LARGE1: variants seen among roughly 807,000 people sequenced by gnomAD.
LARGE1 encodes LARGE xylosyl- and glucuronyltransferase 1, also known as xylosyl- and glucuronyltransferase LARGE1.
LARGE1 carries 43 observed loss-of-function variants against 87.6 expected under a neutral mutation model. The observed-to-expected ratio is 0.49, with a 90% CI of 0.38 to 0.63. LARGE1 has a LOEUF of 0.63. Among genes scored for constraint, LARGE1 ranks in the 30% least tolerant of loss-of-function variants. LARGE1 has a pLI of 0.00. For synonymous variants in LARGE1, 434 were observed against 394.6 expected (o/e 1.10, Z -1.18); for missense variants, 802 against 1,000.2 (o/e 0.80, Z 2.67).
At chr22:33,903,221 T>G (rs148032131) in intron 1 of LARGE1, among the ~76,000 whole-genome samples, 1 of 152,258 alleles carries the variant, frequency 6.6e-6, no homozygotes, top group African/African-American at 2.4e-5. Flanking sequence ...AGGAAGAGAT[T>G]AGAGCACAGA....
At chr22:33,919,860 G>C (rs1018304789) in intron 1 of LARGE1, 135 bp downstream of exon 1, 1 of 152,476 alleles carries the variant, frequency 6.6e-6, no homozygotes, top group Non-Finnish European at 1.5e-5. Context: ...CTCCCGGCCG[G>C]GGCAGCAGAG....
At chr22:33,522,331 G>T (rs2071646552) in intron 6 of LARGE1, among the ~76,000 whole-genome samples, 1 of 152,200 alleles carries the variant, frequency 6.6e-6, no homozygotes, top group Admixed American at 6.5e-5. Context: ...CACAGGGGAT[G>T]TGCTCATTTG....
chr22:33,776,139 A>G (rs1191725460), intron 1 of LARGE1, among the ~76,000 whole-genome samples: 2 of 152,280 alleles, frequency 1.3e-5, no homozygotes, highest in Admixed American at 6.5e-5. Flanking sequence ...TTTCCTCCAG[A>G]GTCATCTCCC....
intron 11 of LARGE1, among the ~76,000 whole-genome samples, chr22:33,208,445 G>A (rs5998806): frequency 0.022 from 3,425 of 152,232 alleles, 137 homozygotes; most frequent in African/African-American, 0.079. Context: ...AAGATCAAAC[G>A]TTGTTACTCA....
At chr22:33,259,984 C>T (rs966197927) in intron 11 of LARGE1, among the ~76,000 whole-genome samples, 5 of 152,210 alleles carry the variant, frequency 3.3e-5, no homozygotes, top group African/African-American at 1.2e-4. Flanking sequence ...TATAACCACC[C>T]TCAACTCCCA....
At chr22:33,286,186 G>T (rs1931500728) in intron 12 of LARGE1, among the ~76,000 whole-genome samples, 1 of 152,216 alleles carries the variant, frequency 6.6e-6, no homozygotes, top group African/African-American at 2.4e-5. Flanking sequence ...CTCCCGCTTT[G>T]TCTGTCTGAA....
chr22:33,758,400 AC>A (rs1422383174), intron 2 of LARGE1, among the ~76,000 whole-genome samples: 1 of 152,198 alleles, frequency 6.6e-6, no homozygotes, highest in Non-Finnish European at 1.5e-5. Flanking sequence ...CCGAATGCAC[AC>A]TAACTGACAC....
rs914604840 is a variant in LARGE1, at chr22:33,561,985, A to G, written c.787+2863T>C. Among the ~76,000 whole-genome samples the G allele has an allele frequency of 2.3e-4, 35 of 152,236 alleles. 1 individual carries two copies. Among genetic ancestry groups the G allele is most frequent in the Admixed American group, 2.1e-3 (32 of 15,280 alleles). On this transcript the variant is annotated intron_variant, in intron 6 of 14. Coordinates refer to ENST00000397394, the MANE Select transcript of LARGE1 (RefSeq NM_133642.5). ...ACCAAGAGCCACTGCAGCCCCAGAC[A>G]ACCAGCTGTTCTCAAAAAGTGAAAA...
At chr22:33,886,792 G>A (rs776726861) in intron 1 of LARGE1, among the ~76,000 whole-genome samples, 3 of 151,842 alleles carry the variant, frequency 2.0e-5, no homozygotes, top group Admixed American at 6.6e-5. Flanking sequence ...AATGTTTACT[G>A]AGCACCAAGT....
At chr22:33,599,218 T>C (rs1174027213) in intron 5 of LARGE1, among the ~76,000 whole-genome samples, 1 of 152,216 alleles carries the variant, frequency 6.6e-6, no homozygotes, top group African/African-American at 2.4e-5. Flanking sequence ...TCAGCACTTG[T>C]TAGCAGTCTA....
intron 6 of LARGE1, among the ~76,000 whole-genome samples, chr22:33,475,424 A>ATATT (rs71320980): frequency 0.086 from 11,603 of 135,164 alleles, 567 homozygotes; most frequent in African/African-American, 0.12. Flanking sequence ...TCAGTGAGTC[A>ATATT]TATTTATTTA....
intron 12 of LARGE1, among the ~76,000 whole-genome samples, chr22:33,298,447 CA>C (rs1352446693): frequency 9.9e-5 from 15 of 152,200 alleles, no homozygotes; most frequent in Admixed American, 9.8e-4. Flanking sequence ...GAGGAAAAAG[CA>C]GTATGATTCC....
rs559499554 is a variant in LARGE1 at position 33,544,328 on chromosome 22, C to T, written c.787+20520G>A. ...TAGGGGTGGTCTTGGAAACTCCTGG[C>T]GGTGTCAAAATGACAAATGGTGGTT... is the stretch of plus-strand genomic sequence containing the variant. On this transcript the variant is annotated intron_variant, in intron 6 of 14. Transcript: ENST00000397394. Among the ~76,000 whole-genome samples the T allele has an allele frequency of 2.3e-3, 354 of 152,272 alleles. 2 individuals are homozygous for T. Among genetic ancestry groups the T allele is most frequent in the African/African-American group, 7.1e-3 (296 of 41,552 alleles).
intron 9 of LARGE1, among the ~76,000 whole-genome samples, chr22:33,352,891 A>C (rs1481913572): frequency 6.6e-6 from 1 of 152,216 alleles, no homozygotes; most frequent in Non-Finnish European, 1.5e-5. Context: ...GTTTATAATT[A>C]AAAAAGGGAG....
At chr22:33,656,910 T>C (rs2080975950) in intron 2 of LARGE1, 1 of 152,198 alleles carries the variant, frequency 6.6e-6, no homozygotes, top group Admixed American at 6.5e-5. Flanking sequence ...ACAAAGAAGG[T>C]AAATTGAAAA....
At position 33,668,068 on chromosome 22, in the gene LARGE1, C is replaced by T. The variant is rs574911086; in HGVS notation, c.107-17400G>A. Among the ~76,000 whole-genome samples, 4 of 152,364 alleles carry T rather than the reference C, an allele frequency of 2.6e-5. 1 individual carries two copies. In the South Asian group the frequency reaches 8.3e-4, roughly 32 times the overall value. ...CTTAAGGCAATTTGCTTTTAGGCTA[C>T]TGTTCCAAAATACACAACTTATTAT... On this transcript the variant is annotated intron_variant, in intron 2 of 14. Coordinates refer to ENST00000397394, the MANE Select transcript of LARGE1 (RefSeq NM_133642.5).
At chr22:33,385,527 C>CAAAAAA (rs75780176) in intron 7 of LARGE1, among the ~76,000 whole-genome samples, 1 of 19,434 alleles carries the variant, frequency 5.1e-5, no homozygotes, top group African/African-American at 1.4e-4. Flanking sequence ...GACACCGTCT[C>CAAAAAA]AAAAAAAAAA....
intron 6 of LARGE1, among the ~76,000 whole-genome samples, chr22:33,559,001 G>A (rs1260370755): frequency 6.6e-6 from 1 of 152,182 alleles, no homozygotes; most frequent in East Asian, 1.9e-4. Flanking sequence ...TTCCTTCTCT[G>A]AGCCTAAATC....
intron 2 of LARGE1, among the ~76,000 whole-genome samples, chr22:33,680,309 C>G (rs2081720385): frequency 6.6e-6 from 1 of 152,204 alleles, no homozygotes; most frequent in Admixed American, 6.5e-5. Flanking sequence ...CTGAACTTTT[C>G]TAACTCCAGA....
Sources: allele counts gnomAD v4.1 joint callset (sites outside exome capture counted in the v4.1 genomes callset), GRCh38; gene constraint gnomAD v4.1.1; transcripts MANE v1.5; gene names NCBI Gene and HGNC (gene_info 2026-07-23, HGNC 2026-07-21).